SFMBT1: variants seen among roughly 807,000 people sequenced by gnomAD.
The protein encoded by SFMBT1 is scm-like with four MBT domains protein 1.
A neutral mutation model predicts 108.7 loss-of-function variants in SFMBT1; 32 were observed. The ratio of observed to expected loss-of-function variants is 0.29; its 90% CI spans 0.22 to 0.40. The LOEUF is 0.40. Among genes scored for constraint, SFMBT1 ranks in the 10% least tolerant of loss-of-function variants. The pLI is 1.00. For synonymous variants in SFMBT1, 348 were observed against 369.5 expected, an observed-to-expected ratio of 0.94 and a Z score of 0.67; for missense variants, 816 against 1,059.6, an observed-to-expected ratio of 0.77 and a Z score of 3.19.
In SFMBT1 at chr3:52,907,326, G is replaced by T; in HGVS notation, c.2086-12C>A. On this transcript the variant is annotated splice_polypyrimidine_tract_variant and intron_variant, in intron 18 of 20. Transcript: ENST00000394752. ...TCACCCCCACTTCCCTGCAGGAAAAGGAGAGAAGTCTCATTGAAATTCAGG... is the reference window on the plus strand; with the variant it reads ...TCACCCCCACTTCCCTGCAGGAAAATGAGAGAAGTCTCATTGAAATTCAGG... 6.2e-7 allele frequency: 1 copy of T among 1,604,448 alleles called. No homozygotes were observed. The highest frequency in any genetic ancestry group is 8.5e-7 in the Non-Finnish European group (1 of 1,175,820).
chr3:52,943,579 C>T lies in SFMBT1; in HGVS notation c.138G>A (p.Leu46=), dbSNP rs754555493. ...TCATCCCAGGAGCAAATCCATTTTG[C>T]AAACGTGTGTCCACCTTAACAGGGA... The part of the protein sequence containing the change: ...YGSFKHVDTR[L]QNGFAPGMKL... The change falls in exon 4 of 21, where the codon TTG becomes TTA. Residue 46 remains leucine (L), a synonymous_variant. Transcript: ENST00000394752. 1.9e-6 allele frequency: 3 copies of T among 1,614,270 alleles called. No homozygotes were observed. The South Asian group carries it at 3.3e-5, about 18-fold the overall frequency.
intron 4 of SFMBT1, among the ~76,000 whole-genome samples, chr3:52,935,419 T>C (rs1051619669): frequency 6.6e-6 from 1 of 152,196 alleles, no homozygotes; most frequent in African/African-American, 2.4e-5. Flanking sequence ...ACTACAAAGG[T>C]AGGGTTTTAG....
intron 2 of SFMBT1, among the ~76,000 whole-genome samples, chr3:52,957,296 C>T (rs750132354): frequency 1.4e-4 from 21 of 152,138 alleles, no homozygotes; most frequent in African/African-American, 4.6e-4. Context: ...AGGAGAACTA[C>T]AAACCACTGC....
intron 1 of SFMBT1, among the ~76,000 whole-genome samples, chr3:52,970,111 A>G (rs556093866): frequency 6.6e-6 from 1 of 152,174 alleles, no homozygotes; most frequent in Non-Finnish European, 1.5e-5. Flanking sequence ...AAAAAAAAAA[A>G]AAGAAGAAGA....
chr3:52,919,883 A>G (rs562607269), intron 12 of SFMBT1, among the ~76,000 whole-genome samples: 27 of 152,352 alleles, frequency 1.8e-4, no homozygotes, highest in Non-Finnish European at 2.9e-4. Flanking sequence ...TGTACTCTCC[A>G]AAATTCACAT....
At chr3:53,021,247 T>A (rs1243072333) in intron 1 of SFMBT1, among the ~76,000 whole-genome samples, 3 of 152,348 alleles carry the variant, frequency 2.0e-5, no homozygotes, top group African/African-American at 7.2e-5. Context: ...AACTAGTATG[T>A]ACCTAAATTT....
intron 11 of SFMBT1, 42 bp downstream of exon 11, chr3:52,921,663 G>A: frequency 1.9e-6 from 3 of 1,602,422 alleles, no homozygotes; most frequent in South Asian, 2.2e-5. Context: ...GAAGCTCAAA[G>A]GAGAGTGGCC....
At chr3:52,946,103 T>A (rs993832556) in intron 3 of SFMBT1, among the ~76,000 whole-genome samples, 1 of 151,932 alleles carries the variant, frequency 6.6e-6, no homozygotes, top group Non-Finnish European at 1.5e-5. Context: ...TTCAATCCAA[T>A]CATGAGAAAA....
intron 1 of SFMBT1, among the ~76,000 whole-genome samples, chr3:53,031,322 T>C (rs1230065919): frequency 6.6e-6 from 1 of 152,200 alleles, no homozygotes; most frequent in Non-Finnish European, 1.5e-5. Flanking sequence ...ACCAGACTGC[T>C]GATTGCCTCT....
intron 1 of SFMBT1, among the ~76,000 whole-genome samples, chr3:52,982,796 C>T (rs965033372): frequency 6.9e-6 from 1 of 145,840 alleles, no homozygotes; most frequent in African/African-American, 2.5e-5. Context: ...AGATAGCACA[C>T]CAGAGGAATT....
At chr3:52,951,571 G>A (rs1258474139) in intron 3 of SFMBT1, among the ~76,000 whole-genome samples, 22 of 100,160 alleles carry the variant, frequency 2.2e-4, no homozygotes, top group Middle Eastern at 5.2e-3. Flanking sequence ...TGCTTGCTAC[G>A]ACTGGCTAAT....
chr3:53,014,547 A>G (rs1320875381), intron 1 of SFMBT1, among the ~76,000 whole-genome samples: 1 of 152,168 alleles, frequency 6.6e-6, no homozygotes, highest in Non-Finnish European at 1.5e-5. Flanking sequence ...CACCCAATGA[A>G]TCAACTAACA....
intron 1 of SFMBT1, among the ~76,000 whole-genome samples, chr3:52,990,951 T>A (rs1705101631): frequency 6.6e-6 from 1 of 152,218 alleles, no homozygotes; most frequent in African/African-American, 2.4e-5. Context: ...GTTCAACATA[T>A]AAACATTTTT....
At chr3:53,007,682 T>C (rs1698794930) in intron 1 of SFMBT1, among the ~76,000 whole-genome samples, 1 of 152,198 alleles carries the variant, frequency 6.6e-6, no homozygotes, top group South Asian at 2.1e-4. Context: ...CATATTGATA[T>C]AAATTAATAA....
At chr3:53,026,653 CT>C (rs1202988075) in intron 1 of SFMBT1, among the ~76,000 whole-genome samples, 1 of 152,142 alleles carries the variant, frequency 6.6e-6, no homozygotes, top group African/African-American at 2.4e-5. Context: ...GTGGGGCTGC[CT>C]ACAGTCCTAG....
At chr3:52,944,722 T>C (rs1226940091) in intron 3 of SFMBT1, among the ~76,000 whole-genome samples, 1 of 152,124 alleles carries the variant, frequency 6.6e-6, no homozygotes, top group African/African-American at 2.4e-5. Context: ...GGTTTCACCA[T>C]GTTGGCCAGG....
intron 1 of SFMBT1, among the ~76,000 whole-genome samples, chr3:52,997,989 A>G (rs1274819099): frequency 6.6e-6 from 1 of 150,688 alleles, no homozygotes; most frequent in Non-Finnish European, 1.5e-5. Context: ...AAAATTTACC[A>G]TTCTAATCAC....
intron 1 of SFMBT1, among the ~76,000 whole-genome samples, chr3:53,015,531 C>A (rs1035375046): frequency 2.6e-5 from 4 of 152,092 alleles, no homozygotes; most frequent in Non-Finnish European, 4.4e-5. Context: ...ACAAACAACC[C>A]AAATGTTCAT....
Position 52,925,237 on chromosome 3 carries a change from A to G in SFMBT1, c.1131+794T>C, listed in dbSNP as rs1336811567. On this transcript the variant is annotated intron_variant, in intron 10 of 20. Transcript: ENST00000394752. ...CTCTGTCTCAAAACAAAACAAAACA[A>G]AACTGCAGTGCTCAGCTGTAATATC... is the stretch of plus-strand genomic sequence containing the variant. Among the ~76,000 whole-genome samples, 3 of 152,174 alleles carry G rather than the reference A, an allele frequency of 2.0e-5. No homozygotes were observed. In the East Asian group the frequency reaches 5.8e-4, roughly 29 times the overall value.
Sources: allele counts gnomAD v4.1 joint callset (sites outside exome capture counted in the v4.1 genomes callset), GRCh38; gene constraint gnomAD v4.1.1; transcripts MANE v1.5; gene names NCBI Gene and HGNC (gene_info 2026-07-23, HGNC 2026-07-21).